DNAH9: variants seen among roughly 807,000 people sequenced by gnomAD.
DNAH9 encodes the protein dynein axonemal heavy chain 9, also known as DNAH9 variant protein.
In DNAH9, 345 loss-of-function variants were observed where a neutral mutation model predicts 471.6. The observed-to-expected ratio is 0.73, with a 90% confidence interval of 0.67 to 0.80. The LOEUF is 0.80. Ranked by LOEUF, DNAH9 falls within the 30% of genes least tolerant of loss-of-function variation. The pLI, the probability that DNAH9 is intolerant of heterozygous loss-of-function variation, is 0.00. For synonymous variants in DNAH9, 2,093 were observed against 2,123.6 expected, an observed-to-expected ratio of 0.99 and a Z score of 0.40; for missense variants, 5,407 against 5,609.2, an observed-to-expected ratio of 0.96 and a Z score of 1.15.
At chr17:11,620,478 C>T (rs2072834198) in intron 6 of DNAH9, among the ~76,000 whole-genome samples, 1 of 146,198 alleles carries the variant, frequency 6.8e-6, no homozygotes, top group South Asian at 2.1e-4. Context: ...CACCATTGCA[C>T]TCCAGCATGG....
chr17:11,796,524 T>C (rs569340802), intron 42 of DNAH9, among the ~76,000 whole-genome samples: 1 of 152,338 alleles, frequency 6.6e-6, no homozygotes, highest in East Asian at 1.9e-4. Context: ...ACTTTCCCTA[T>C]ATTAGGTTTG....
intron 50 of DNAH9, among the ~76,000 whole-genome samples, chr17:11,858,119 A>G (rs1971691809): frequency 6.6e-6 from 1 of 152,218 alleles, no homozygotes; most frequent in Non-Finnish European, 1.5e-5. Context: ...TGTCTAATCT[A>G]CATTTTCTTT....
intron 49 of DNAH9, among the ~76,000 whole-genome samples, chr17:11,849,714 A>G (rs1971347258): frequency 6.6e-6 from 1 of 152,166 alleles, no homozygotes; most frequent in Non-Finnish European, 1.5e-5. Context: ...TCACATTCCA[A>G]GAATTCTCTC....
At chr17:11,723,755 C>T (rs1209627145) in intron 27 of DNAH9, among the ~76,000 whole-genome samples, 1 of 152,066 alleles carries the variant, frequency 6.6e-6, no homozygotes, top group East Asian at 1.9e-4. Flanking sequence ...GCAAGCTCCA[C>T]CTCCTGGGTT....
chr17:11,891,434 C>T (rs567189464), intron 57 of DNAH9, among the ~76,000 whole-genome samples: 18 of 152,272 alleles, frequency 1.2e-4, no homozygotes, highest in South Asian at 6.2e-4. Context: ...GGCACCATCT[C>T]GGCTCACTGC....
rs571134745 is a variant in DNAH9, at chr17:11,765,615, GA to G, written c.7170+2004del. ...CCCAGAGACAGATGCCCTGGAGGCAGAAAGGGAAGTCTCCAAGGACAGGAGG... is the reference window on the plus strand; with the variant it reads ...CCCAGAGACAGATGCCCTGGAGGCAGAAGGGAAGTCTCCAAGGACAGGAGG... On this transcript the variant is annotated intron_variant, in intron 36 of 68. Coordinates refer to ENST00000262442, the MANE Select transcript of DNAH9 (RefSeq NM_001372.4). Among the ~76,000 whole-genome samples, 34 of 152,284 alleles carry G rather than the reference GA, an allele frequency of 2.2e-4. No individual in the cohort carries two copies. The East Asian group carries it at 6.4e-3, about 29-fold the overall frequency.
chr17:11,665,159 C>T (rs1448451979), intron 15 of DNAH9, among the ~76,000 whole-genome samples, 191 bp downstream of exon 15: 7 of 152,136 alleles, frequency 4.6e-5, no homozygotes, highest in East Asian at 1.9e-4. Context: ...AGATTTCTGA[C>T]GCTTAAAATT....
chr17:11,890,582 A>G (rs551071757), intron 57 of DNAH9, among the ~76,000 whole-genome samples: 1 of 152,348 alleles, frequency 6.6e-6, no homozygotes, highest in East Asian at 1.9e-4. Context: ...CCACAAAAGG[A>G]AAATAGAGAA....
chr17:11,731,177 T>C (rs1197210654), intron 28 of DNAH9, among the ~76,000 whole-genome samples: 1 of 151,764 alleles, frequency 6.6e-6, no homozygotes. Context: ...ATGTTAACAA[T>C]GATGGTGATG....
At chr17:11,875,821 C>T (rs909568219) in intron 53 of DNAH9, 1 of 152,374 alleles carries the variant, frequency 6.6e-6, no homozygotes, top group Non-Finnish European at 1.5e-5. Flanking sequence ...ATCCCTCATG[C>T]CTCCCTTCAT....
At position 11,961,899 on chromosome 17, in the gene DNAH9, C is replaced by T. The variant is rs1312687014; in HGVS notation, c.12876C>T (p.Asn4292=). ...TGACTATGACCAGCCACATGGAGAACTTACAGAATGCCCTGTACTTCGATA... is the reference window on the plus strand; with the variant it reads ...TGACTATGACCAGCCACATGGAGAATTTACAGAATGCCCTGTACTTCGATA... ...GELTMTSHME[N]LQNALYFDMV... The change falls in exon 68 of 69, where the codon AAC becomes AAT. Residue 4292 remains asparagine (N), a synonymous_variant. Transcript: ENST00000262442. 9.3e-6 allele frequency: 15 copies of T among 1,612,638 alleles called. No individual in the cohort carries two copies. Among genetic ancestry groups the T allele is most frequent in the Non-Finnish European group, 1.3e-5 (15 of 1,179,158 alleles).
intron 17 of DNAH9, among the ~76,000 whole-genome samples, chr17:11,676,626 G>T (rs1253887904): frequency 6.6e-6 from 1 of 151,666 alleles, no homozygotes; most frequent in African/African-American, 2.4e-5. Context: ...CTTTCTTCTT[G>T]CCGGACACAA....
chr17:11,679,708 C>T (rs1014858164), intron 17 of DNAH9, 49 bp from the exon 18 acceptor site: 7 of 1,338,852 alleles, frequency 5.2e-6, no homozygotes, highest in African/African-American at 4.3e-5. Flanking sequence ...ATCTGCCTTT[C>T]GAGAAGTAGA....
intron 51 of DNAH9, among the ~76,000 whole-genome samples, chr17:11,871,007 C>G (rs1972242667): frequency 6.6e-6 from 1 of 152,266 alleles, no homozygotes; most frequent in South Asian, 2.1e-4. Context: ...AAAGCTCCGC[C>G]ATACCACTAA....
intron 61 of DNAH9, among the ~76,000 whole-genome samples, chr17:11,923,035 G>T (rs1974184250): frequency 6.8e-6 from 1 of 147,762 alleles, no homozygotes; most frequent in African/African-American, 2.5e-5. Flanking sequence ...AGTGATTTTG[G>T]TCTGAACAAG....
intron 8 of DNAH9, among the ~76,000 whole-genome samples, chr17:11,635,906 A>G (rs967160557): frequency 6.6e-6 from 1 of 152,090 alleles, no homozygotes; most frequent in African/African-American, 2.4e-5. Context: ...TTGCCCTTCA[A>G]ATTCTCCCCA....
chr17:11,874,874 T>A, intron 52 of DNAH9, 75 bp from the exon 53 acceptor site: 1 of 1,048,078 alleles, frequency 9.5e-7, no homozygotes, highest in Non-Finnish European at 1.5e-6. Context: ...TGTCATTTGG[T>A]GAGTAACTGC....
intron 49 of DNAH9, among the ~76,000 whole-genome samples, chr17:11,838,002 T>C (rs1282156811): frequency 6.6e-6 from 1 of 152,208 alleles, no homozygotes; most frequent in Non-Finnish European, 1.5e-5. Context: ...AATAAAGGCA[T>C]TCATTAATTT....
At chr17:11,618,591 A>T (rs959793959) in intron 5 of DNAH9, among the ~76,000 whole-genome samples, 3 of 151,624 alleles carry the variant, frequency 2.0e-5, no homozygotes, top group African/African-American at 7.3e-5. Context: ...TCTCAAAAAA[A>T]AAAAAAAGAA....
Sources: allele counts gnomAD v4.1 joint callset (sites outside exome capture counted in the v4.1 genomes callset), GRCh38; gene constraint gnomAD v4.1.1; transcripts MANE v1.5; gene names NCBI Gene and HGNC (gene_info 2026-07-23, HGNC 2026-07-21).